The following EYS variants were observed in gnomAD, a reference collection of about 807,000 sequenced individuals.
EYS encodes protein eyes shut homolog.
Under a neutral mutation model 282.1 loss-of-function variants are expected in EYS, and 250 were observed. The ratio of observed to expected loss-of-function variants is 0.89; its 90% CI spans 0.80 to 0.98. EYS has a LOEUF of 0.98. Ranked by LOEUF, EYS falls within the 50% of genes least tolerant of loss-of-function variation. The pLI is 0.00. For missense variants in EYS, 4,016 were observed against 3,709.0 expected (o/e 1.08, Z -2.15); for synonymous variants, 1,355 against 1,282.9 (o/e 1.06, Z -1.20).
intron 19 of EYS, among the ~76,000 whole-genome samples, chr6:64,862,052 A>G (rs7755509): frequency 1.3e-5 from 2 of 152,050 alleles, no homozygotes; most frequent in African/African-American, 4.8e-5. Context: ...AATTTTTGAA[A>G]GATAATTTTG....
At chr6:64,644,339 A>G (rs144495865) in intron 22 of EYS, among the ~76,000 whole-genome samples, 1 of 152,064 alleles carries the variant, frequency 6.6e-6, no homozygotes, top group African/African-American at 2.4e-5. Flanking sequence ...CTTGCAGTTG[A>G]CAGTATTAAA....
intron 15 of EYS, among the ~76,000 whole-genome samples, chr6:64,924,735 G>A (rs777441719): frequency 3.9e-5 from 6 of 152,108 alleles, no homozygotes; most frequent in Non-Finnish European, 7.4e-5. Context: ...AATTCCACCA[G>A]TCTCTTTGCT....
intron 22 of EYS, among the ~76,000 whole-genome samples, chr6:64,721,633 A>G (rs1228317322): frequency 6.6e-6 from 1 of 152,132 alleles, no homozygotes; most frequent in Non-Finnish European, 1.5e-5. Context: ...CTACTCTGTC[A>G]TTTTTCTGAA....
chr6:65,130,835 G>C (rs1369883945), intron 12 of EYS, among the ~76,000 whole-genome samples: 2 of 146,224 alleles, frequency 1.4e-5, no homozygotes, highest in East Asian at 4.0e-4. Context: ...TCCCCATAAA[G>C]ACTAAAAAAA....
chr6:65,420,665 G>C (rs532300373), intron 5 of EYS, among the ~76,000 whole-genome samples: 7 of 151,404 alleles, frequency 4.6e-5, no homozygotes, highest in Non-Finnish European at 1.0e-4. Context: ...ATCCATCAGA[G>C]GAATCACTGT....
At chr6:63,910,061 G>T (rs1773878002) in intron 35 of EYS, among the ~76,000 whole-genome samples, 2 of 152,180 alleles carry the variant, frequency 1.3e-5, no homozygotes, top group South Asian at 4.1e-4. Context: ...GACGAAGGAG[G>T]AAGAGGAGGA....
chr6:63,993,089 A>T lies in EYS; in HGVS notation c.6834+5986T>A, dbSNP rs1194052935. On this transcript the variant is annotated intron_variant, in intron 34 of 42. Transcript: ENST00000503581. ...ATTAACAAACTGGAAGATAACAATCACAGGATCATCTCAATAAACGCAAAA... is the reference window on the plus strand; with the variant it reads ...ATTAACAAACTGGAAGATAACAATCTCAGGATCATCTCAATAAACGCAAAA... 2.6e-5 allele frequency among the ~76,000 whole-genome samples: 4 copies of T among 152,010 alleles called. No homozygotes were observed. The East Asian group carries it at 7.7e-4, about 29-fold the overall frequency.
At chr6:64,679,856 A>C (rs1303895238) in intron 22 of EYS, among the ~76,000 whole-genome samples, 1 of 151,926 alleles carries the variant, frequency 6.6e-6, no homozygotes, top group Non-Finnish European at 1.5e-5. Flanking sequence ...TAACCTTTTT[A>C]TTCTACCAGA....
At chr6:64,805,662 G>A (rs986282220) in intron 22 of EYS, among the ~76,000 whole-genome samples, 2 of 150,846 alleles carry the variant, frequency 1.3e-5, no homozygotes, top group Non-Finnish European at 3.0e-5. Context: ...TGCAAAAGCT[G>A]GAACTATGAA....
intron 33 of EYS, among the ~76,000 whole-genome samples, chr6:64,012,585 G>A (rs986458199): frequency 2.0e-5 from 3 of 152,202 alleles, no homozygotes; most frequent in African/African-American, 7.2e-5. Context: ...ACATTAGGCA[G>A]TATGGGTGAA....
chr6:64,997,204 T>G (rs1489739822), intron 14 of EYS, among the ~76,000 whole-genome samples: 2 of 152,134 alleles, frequency 1.3e-5, no homozygotes, highest in Non-Finnish European at 2.9e-5. Flanking sequence ...AAGATAATGA[T>G]AATGAAATAC....
intron 12 of EYS, among the ~76,000 whole-genome samples, chr6:65,093,828 T>C (rs762874984): frequency 5.3e-5 from 8 of 151,754 alleles, no homozygotes; most frequent in African/African-American, 1.2e-4. Context: ...TTGAAATACA[T>C]AGAGTGCCTG....
chr6:64,929,930 C>A (rs1482071868), intron 15 of EYS, among the ~76,000 whole-genome samples: 1 of 152,044 alleles, frequency 6.6e-6, no homozygotes, highest in Non-Finnish European at 1.5e-5. Context: ...CGGAAAATAT[C>A]TAAGTTTTTG....
chr6:64,906,335 T>G (rs571638258), intron 16 of EYS, among the ~76,000 whole-genome samples: 6 of 152,200 alleles, frequency 3.9e-5, no homozygotes, highest in Admixed American at 1.3e-4. Flanking sequence ...GTTTTATGTT[T>G]AATTATGTAT....
chr6:65,091,045 G>A (rs1774542468), intron 12 of EYS, among the ~76,000 whole-genome samples: 1 of 151,812 alleles, frequency 6.6e-6, no homozygotes, highest in African/African-American at 2.4e-5. Context: ...GATTAAACAT[G>A]CATTTTTTAG....
rs1199500067 is a variant in EYS at position 64,281,822 on chromosome 6, T to C, written c.6191+25148A>G. On this transcript the variant is annotated intron_variant, in intron 30 of 42. Transcript: ENST00000503581. Reference sequence around the variant, plus strand: ...ACTTGTTTTAGCAGCAATGTATTAATAGAAGAAGGAAGAGATTCAGGGGAG... The same window carrying C: ...ACTTGTTTTAGCAGCAATGTATTAACAGAAGAAGGAAGAGATTCAGGGGAG... Among the ~76,000 whole-genome samples the C allele has an allele frequency of 3.9e-5, 6 of 152,092 alleles. No individual in the cohort carries two copies. In the East Asian group the frequency reaches 9.6e-4, roughly 24 times the overall value.
intron 2 of EYS, among the ~76,000 whole-genome samples, chr6:65,595,469 TA>T (rs200857384): frequency 0.088 from 12,920 of 146,796 alleles, 907 homozygotes; most frequent in African/African-American, 0.17. Flanking sequence ...AAAGTATAAT[TA>T]AAAAAAAAAA....
chr6:65,320,020 G>A (rs983207586), intron 11 of EYS, among the ~76,000 whole-genome samples: 69 of 151,746 alleles, frequency 4.5e-4, no homozygotes, highest in Non-Finnish European at 5.0e-4. Flanking sequence ...AGGTCTCACA[G>A]GTGATCTTTT....
intron 2 of EYS, among the ~76,000 whole-genome samples, chr6:65,579,070 C>T (rs531793169): frequency 1.2e-4 from 18 of 152,226 alleles, no homozygotes; most frequent in African/African-American, 4.3e-4. Flanking sequence ...ATTAAGTTTT[C>T]TTCAAATATG....
Sources: gnomAD v4.1 joint callset for allele counts (sites outside exome capture counted in the v4.1 genomes callset) on GRCh38, gnomAD v4.1.1 for gene constraint, MANE v1.5 for transcripts, NCBI Gene and HGNC (gene_info 2026-07-23, HGNC 2026-07-21) for gene names.